Variants in SYNDIG1L observed in about 807,000 individuals in gnomAD.
SYNDIG1L encodes the protein synapse differentiation inducing 1 like, also known as synapse differentiation-inducing gene protein 1-like.
A neutral mutation model predicts 20.1 loss-of-function variants in SYNDIG1L; 13 were observed. The ratio of observed to expected loss-of-function variants is 0.65; its 90% CI spans 0.42 to 1.03. The LOEUF is 1.03. Among genes scored for constraint, SYNDIG1L ranks in the 50% least tolerant of loss-of-function variants. The pLI, the probability that SYNDIG1L is intolerant of heterozygous loss-of-function variation, is 0.00. For missense variants in SYNDIG1L, 294 were observed against 305.1 expected (o/e 0.96, Z 0.27); for synonymous variants, 128 against 129.3 (o/e 0.99, Z 0.07).
the SYNDIG1L span, among the ~76,000 whole-genome samples, chr14:74,454,530 C>T: frequency 1.3e-5 from 2 of 152,214 alleles, no homozygotes; most frequent in Non-Finnish European, 2.9e-5. Context: ...GAGCCGCTTC[C>T]TTTTATTCAT....
chr14:74,417,032 G>A (rs2086181617), intron 1 of SYNDIG1L, among the ~76,000 whole-genome samples: 1 of 152,172 alleles, frequency 6.6e-6, no homozygotes, highest in Admixed American at 6.5e-5. Flanking sequence ...TACCATTATT[G>A]GGTGCTTGTT....
chr14:74,446,335 A>C, the SYNDIG1L span, among the ~76,000 whole-genome samples: 1 of 152,194 alleles, frequency 6.6e-6, no homozygotes, highest in African/African-American at 2.4e-5. Flanking sequence ...GCCTACAGAA[A>C]TTTTCTAAAA....
upstream of SYNDIG1L, among the ~76,000 whole-genome samples, chr14:74,429,403 A>G: frequency 6.6e-6 from 1 of 152,244 alleles, no homozygotes; most frequent in East Asian, 1.9e-4. Flanking sequence ...ACTTCCCTTC[A>G]TAAGCTTTTT....
intron 1 of SYNDIG1L, among the ~76,000 whole-genome samples, chr14:74,420,564 C>T (rs1376304084): frequency 2.6e-5 from 4 of 151,924 alleles, no homozygotes; most frequent in South Asian, 2.1e-4. Context: ...AAAAGTGACT[C>T]CCAGGTTTCT....
the SYNDIG1L span, chr14:74,480,034 A>C: frequency 6.8e-7 from 1 of 1,476,842 alleles, no homozygotes; most frequent in Admixed American, 2.5e-5. Flanking sequence ...AAAAAAAATT[A>C]AACATCTGCT....
chr14:74,464,396 C>T, the SYNDIG1L span, among the ~76,000 whole-genome samples: 8 of 152,096 alleles, frequency 5.3e-5, no homozygotes, highest in Non-Finnish European at 1.2e-4. Context: ...AGTTAATCCT[C>T]GCCAAACCGT....
the SYNDIG1L span, chr14:74,480,007 C>G: frequency 7.0e-7 from 1 of 1,429,254 alleles, no homozygotes; most frequent in Non-Finnish European, 9.1e-7. Context: ...AAAGAGGCCA[C>G]AAGTTAATGT....
the SYNDIG1L span, among the ~76,000 whole-genome samples, chr14:74,477,901 G>A: frequency 3.3e-5 from 5 of 152,100 alleles, no homozygotes; most frequent in African/African-American, 9.7e-5. Flanking sequence ...AATGACTCAC[G>A]GGGGCGTCTG....
At chr14:74,469,528 A>G in the SYNDIG1L span, among the ~76,000 whole-genome samples, 1 of 147,024 alleles carries the variant, frequency 6.8e-6, no homozygotes, top group East Asian at 2.0e-4. Context: ...ATAAAAAAAA[A>G]AGAAGAAGAA....
the SYNDIG1L span, among the ~76,000 whole-genome samples, chr14:74,439,134 A>G: frequency 6.7e-6 from 1 of 148,838 alleles, no homozygotes; most frequent in African/African-American, 2.5e-5. Context: ...AAAAAAAAAA[A>G]GGCTCAGCTC....
At chr14:74,422,716 C>CTTTTTTTT (rs5809665) in intron 1 of SYNDIG1L, among the ~76,000 whole-genome samples, 1 of 142,774 alleles carries the variant, frequency 7.0e-6, no homozygotes. Flanking sequence ...TTTCCTTTCT[C>CTTTTTTTT]TCTTTTTTTT....
At chr14:74,460,815 A>G in the SYNDIG1L span, among the ~76,000 whole-genome samples, 17 of 152,108 alleles carry the variant, frequency 1.1e-4, no homozygotes, top group African/African-American at 3.9e-4. Context: ...TGCCGGGCTA[A>G]TTTTTGTATT....
chr14:74,422,339 TGCA>T (rs1410401368), intron 1 of SYNDIG1L, among the ~76,000 whole-genome samples: 1 of 152,068 alleles, frequency 6.6e-6, no homozygotes, highest in Non-Finnish European at 1.5e-5. Context: ...TCCCCTGGCT[TGCA>T]GCAGAGGGGA....
chr14:74,454,451 G>A, the SYNDIG1L span, among the ~76,000 whole-genome samples: 1 of 152,194 alleles, frequency 6.6e-6, no homozygotes, highest in Non-Finnish European at 1.5e-5. Flanking sequence ...CTCAGACACA[G>A]GTATGCAGTG....
upstream of SYNDIG1L, among the ~76,000 whole-genome samples, chr14:74,427,976 T>C (rs2086278855): frequency 6.6e-6 from 1 of 152,174 alleles, no homozygotes; most frequent in South Asian, 2.1e-4. Flanking sequence ...GAAAGGATAA[T>C]AAAAAAGCCA....
the SYNDIG1L span, among the ~76,000 whole-genome samples, chr14:74,445,769 G>C: frequency 6.6e-6 from 1 of 152,056 alleles, no homozygotes; most frequent in African/African-American, 2.4e-5. Flanking sequence ...GAGCCACTGT[G>C]CCCAGCCTCT....
chr14:74,439,490 C>T, the SYNDIG1L span, among the ~76,000 whole-genome samples: 1 of 152,172 alleles, frequency 6.6e-6, no homozygotes, highest in Admixed American at 6.5e-5. Context: ...TAAATTGCTG[C>T]TAGTCTTGGA....
chr14:74,409,828 A>C, intron 1 of SYNDIG1L, 27 bp from the exon 2 acceptor site: 1 of 1,349,128 alleles, frequency 7.4e-7, no homozygotes, highest in Non-Finnish European at 9.6e-7. Context: ...ACAGACAAGC[A>C]CTGAGGCCAG....
At chr14:74,426,723 C>T (rs1475810252), upstream of SYNDIG1L, among the ~76,000 whole-genome samples, 1 of 145,084 alleles carries the variant, frequency 6.9e-6, no homozygotes, top group Non-Finnish European at 1.5e-5. Context: ...CCCCCTGCCC[C>T]CCTCCCCCTG....
Sources: allele counts gnomAD v4.1 joint callset (sites outside exome capture counted in the v4.1 genomes callset), GRCh38; gene constraint gnomAD v4.1.1; transcripts MANE v1.5; gene names NCBI Gene and HGNC (gene_info 2026-07-23, HGNC 2026-07-21).